The following KLHDC3 variants were observed in gnomAD, a reference collection of about 807,000 sequenced individuals.
KLHDC3 encodes kelch domain containing 3.
A neutral mutation model predicts 44.1 loss-of-function variants in KLHDC3; 5 were observed. The ratio of observed to expected loss-of-function variants is 0.11; its 90% CI spans 0.06 to 0.24. The LOEUF (loss-of-function observed/expected upper bound fraction) is 0.24, where lower values mean the gene tolerates loss of function less well. KLHDC3 is among the 10% of genes least tolerant of loss of function. The pLI is 1.00. For missense variants in KLHDC3, 247 were observed against 514.3 expected (o/e 0.48, Z 5.03); for synonymous variants, 170 against 189.0 (o/e 0.90, Z 0.82).
In KLHDC3 at chr6:43,018,863, T is replaced by C; in HGVS notation, c.821T>C (p.Val274Ala). ...HFHDLWKFNP[V>A]SFTWKKIEPK... Reference sequence around the variant, plus strand: ...AACTTCCATATAAATTTCTCTTCAGTGTCCTTTACCTGGAAAAAGATTGAA... The same window carrying C: ...AACTTCCATATAAATTTCTCTTCAGCGTCCTTTACCTGGAAAAAGATTGAA... The change falls in exon 8 of 11, where the codon GTG becomes GCG. Residue 274 changes from valine (V) to alanine (A), a missense_variant and splice_region_variant. Transcript: ENST00000326974. The surrounding 1 kb of genome is among the most constrained non-coding windows in gnomAD (Gnocchi z 6.0). 8 of 1,607,422 alleles carry C rather than the reference T, an allele frequency of 5.0e-6. No individual in the cohort carries two copies. The highest frequency in any genetic ancestry group is 1.1e-5 in the South Asian group (1 of 90,622).
chr6:43,018,883 A>G lies in KLHDC3; in HGVS notation c.841A>G (p.Ile281Val). The change falls in exon 8 of 11, where the codon ATT becomes GTT. Residue 281 changes from isoleucine to valine, a missense_variant. Physicochemically the swap from Ile to Val is conservative, Grantham distance 29. Coordinates refer to ENST00000326974, the MANE Select transcript of KLHDC3 (RefSeq NM_057161.4). The surrounding 1 kb of genome is among the most constrained non-coding windows in gnomAD (Gnocchi z 6.0). The stretch of plus-strand genomic sequence containing the variant: ...TTCAGTGTCCTTTACCTGGAAAAAG[A>G]TTGAACCGAAGGGGAAGGGGCCATG... Reference protein sequence around the residue: ...FNPVSFTWKKIEPKGKGPCPR... With the variant: ...FNPVSFTWKKVEPKGKGPCPR... 6.2e-7 allele frequency: 1 copy of G among 1,611,010 alleles called. No homozygotes were observed. The highest frequency in any genetic ancestry group is 8.5e-7 in the Non-Finnish European group (1 of 1,178,430).
At position 43,020,805 on chromosome 6, in the gene KLHDC3, C is replaced by A; in HGVS notation, c.*72C>A. ...CTGCCCCTGCCCATCTGTCACCCAC[C>A]TGCTCCTTTGACCCCTGGACTTGGT... On this transcript the variant is annotated 3_prime_UTR_variant, in exon 11 of 11. Transcript: ENST00000326974. 1 of 1,214,666 alleles carries A rather than the reference C, an allele frequency of 8.2e-7. No homozygotes were observed. Among genetic ancestry groups the A allele is most frequent in the Non-Finnish European group, 1.2e-6 (1 of 816,730 alleles). 75.2% of individuals were successfully genotyped at this position (1,214,666 alleles called of 1,614,324 possible).
rs1251150245 is a variant in KLHDC3 at position 43,014,272 on chromosome 6, C to T, written c.-136C>T. 1.2e-6 allele frequency: 1 copy of T among 834,120 alleles called. No homozygotes were observed. Among genetic ancestry groups the T allele is most frequent in the Non-Finnish European group, 1.8e-6 (1 of 553,468 alleles). 51.7% of individuals were successfully genotyped at this position (834,120 alleles called of 1,614,324 possible). A position where few individuals can be genotyped will look rare whatever the true frequency, so the allele number is the denominator to read the frequency against. The stretch of plus-strand genomic sequence containing the variant: ...GTGTTTATCTCGTTGGGGACTAAGG[C>T]GTCGGTTGGCGCGCAACGGGTTCTA... On this transcript the variant is annotated 5_prime_UTR_variant, in exon 1 of 11. Coordinates refer to ENST00000326974, the MANE Select transcript of KLHDC3 (RefSeq NM_057161.4).
At chr6:43,016,948 C>T (rs1038743797) in intron 1 of KLHDC3, 186 bp from the exon 2 acceptor site, 2 of 546,144 alleles carry the variant, frequency 3.7e-6, no homozygotes, top group Non-Finnish European at 6.5e-6. Context: ...CCAGGCTGCT[C>T]CCTGACCTCG....
At position 43,018,997 on chromosome 6, in the gene KLHDC3, C is replaced by CAGG; in HGVS notation, c.929+27_929+29dup. ...GTTAGAAGGAGAGAGGGAAGGGGCTCAGGGAAGTCACTAATGGGAGAGTGG... is the reference window on the plus strand; with the variant it reads ...GTTAGAAGGAGAGAGGGAAGGGGCTCAGGAGGGAAGTCACTAATGGGAGAGTGG... On this transcript the variant is annotated intron_variant, in intron 8 of 10. Transcript: ENST00000326974. This position sits in a 1 kb window ranked among gnomAD's most constrained non-coding sequence, Gnocchi z 6.0. 1 of 1,579,056 alleles carries CAGG rather than the reference C, an allele frequency of 6.3e-7. No homozygotes were observed. The highest frequency in any genetic ancestry group is 8.7e-7 in the Non-Finnish European group (1 of 1,150,810).
Position 43,017,844 on chromosome 6 carries a change from C to G in KLHDC3, c.332-9C>G, listed in dbSNP as rs563272059. On this transcript the variant is annotated splice_polypyrimidine_tract_variant and intron_variant, in intron 3 of 10. Coordinates refer to ENST00000326974, the MANE Select transcript of KLHDC3 (RefSeq NM_057161.4). This position sits in a 1 kb window ranked among gnomAD's most constrained non-coding sequence, Gnocchi z 6.0. ...GTGCTTAGTTGAGCCATTTTCTCAT[C>G]TCCTTCAGATACGCACAAGTGGTTC... The G allele has an allele frequency of 2.4e-5, 38 of 1,610,972 alleles. No homozygotes were observed. Among genetic ancestry groups the G allele is most frequent in the Non-Finnish European group, 2.9e-5 (34 of 1,177,742 alleles).
In KLHDC3 at chr6:43,018,473, G is replaced by A. The variant is rs142230157; in HGVS notation, c.650G>A (p.Arg217Gln). 1 of 1,614,056 alleles carries A rather than the reference G, an allele frequency of 6.2e-7. No individual in the cohort carries two copies. Among genetic ancestry groups the A allele is most frequent in the African/African-American group, 1.3e-5 (1 of 74,918 alleles). ...AATGAGATTTACTGCAACCGCATTC[G>A]AGTCTTTGACACCAGAACTGAGGCT... Reference protein sequence around the residue: ...SNNEIYCNRIRVFDTRTEAWL... With the variant: ...SNNEIYCNRIQVFDTRTEAWL... Residue 217 changes from arginine to glutamine, a missense_variant, in exon 6 of 11, where the codon CGA becomes CAA. By Grantham distance (43) the Arg-to-Gln change is conservative (BLOSUM62 1). This residue lies in a region of KLHDC3 where 176 missense variants were observed against 413.5 expected (regional missense o/e 0.43). Transcript: ENST00000326974. The surrounding 1 kb of genome is among the most constrained non-coding windows in gnomAD (Gnocchi z 6.0).
rs187273664 is a variant in KLHDC3, at chr6:43,017,401, G to A, written c.154+55G>A. The A allele has an allele frequency of 1.7e-4, 274 of 1,582,882 alleles. 1 individual carries two copies. The East Asian group carries it at 4.8e-3, about 28-fold the overall frequency. On this transcript the variant is annotated intron_variant, in intron 2 of 10. Transcript: ENST00000326974. The surrounding 1 kb of genome is among the most constrained non-coding windows in gnomAD (Gnocchi z 6.0). ...CCCCACATCAGGGTGGGAACGGGCT[G>A]CTGATGAGGTTTGGCTGTGGTCTCT...
Position 43,018,062 on chromosome 6 carries a change from T to C in KLHDC3, c.448-83T>C. 4 of 1,442,484 alleles carry C rather than the reference T, an allele frequency of 2.8e-6. No individual in the cohort carries two copies. In the South Asian group the frequency reaches 4.6e-5, roughly 16 times the overall value. The allele number at this position is 1,442,484 out of a possible 1,614,324, so 89.4% of individuals were successfully genotyped here. ...GTGAAATGGGAGGCTTTGGCTTGTT[T>C]GCAGGTTTTGAGGGGAGGGATGGAG... is the stretch of plus-strand genomic sequence containing the variant. On this transcript the variant is annotated intron_variant, in intron 4 of 10. Transcript: ENST00000326974. This position sits in a 1 kb window ranked among gnomAD's most constrained non-coding sequence, Gnocchi z 6.0.
intron 1 of KLHDC3, among the ~76,000 whole-genome samples, chr6:43,015,768 T>G (rs1762555017): frequency 6.7e-6 from 1 of 149,260 alleles, no homozygotes; most frequent in Non-Finnish European, 1.5e-5. Context: ...GAGAATCGCT[T>G]GAACCCGGGA....
Position 43,018,180 on chromosome 6 carries a change from T to G in KLHDC3, c.483T>G (p.Asp161Glu). 1 of 1,611,978 alleles carries G rather than the reference T, an allele frequency of 6.2e-7. No homozygotes were observed. Among genetic ancestry groups the G allele is most frequent in the Non-Finnish European group, 8.5e-7 (1 of 1,178,054 alleles). The change falls in exon 5 of 11, where the codon GAT becomes GAG. Residue 161 changes from aspartate to glutamate, a missense_variant. By Grantham distance (45) the Asp-to-Glu change is conservative (BLOSUM62 2). Transcript: ENST00000326974. This position sits in a 1 kb window ranked among gnomAD's most constrained non-coding sequence, Gnocchi z 6.0. ...TTTCCAATGACATTCACAAGCTAGA[T>G]ACCAGCACCATGACATGGACTCTTA... ...DCFSNDIHKL[D>E]TSTMTWTLIC...
chr6:43,015,474 A>G (rs1457417416), intron 1 of KLHDC3, among the ~76,000 whole-genome samples: 3 of 152,168 alleles, frequency 2.0e-5, no homozygotes, highest in Non-Finnish European at 4.4e-5. Flanking sequence ...CAGCAAAAGC[A>G]TTGTCAGTTG....
intron 9 of KLHDC3, 55 bp downstream of exon 9, chr6:43,019,220 G>A: frequency 2.6e-6 from 4 of 1,547,760 alleles, no homozygotes; most frequent in Non-Finnish European, 3.6e-6. Context: ...GTCTTTGGGT[G>A]GTGATATCCA....
rs749425570 is a variant in KLHDC3 at position 43,018,755 on chromosome 6, C to G, written c.820+36C>G. On this transcript the variant is annotated intron_variant, in intron 7 of 10. Transcript: ENST00000326974. This position sits in a 1 kb window ranked among gnomAD's most constrained non-coding sequence, Gnocchi z 6.0. Reference sequence around the variant, plus strand: ...CTGCATTTAGGGCAGGAACAAGGAGCAATTGAGGTGGGAGGAAAAGAAAAT... The same window carrying G: ...CTGCATTTAGGGCAGGAACAAGGAGGAATTGAGGTGGGAGGAAAAGAAAAT... 1.9e-6 allele frequency: 3 copies of G among 1,587,474 alleles called. No individual in the cohort carries two copies. The Admixed American group carries it at 5.0e-5, about 26-fold the overall frequency.
At chr6:43,020,242 A>G (rs1327122663) in intron 10 of KLHDC3, among the ~76,000 whole-genome samples, 2 of 152,066 alleles carry the variant, frequency 1.3e-5, no homozygotes, top group African/African-American at 2.4e-5. Flanking sequence ...GTGCTGAGTC[A>G]GAGCCTTAAA....
At chr6:43,015,852 T>TAAAAAA (rs561042959) in intron 1 of KLHDC3, among the ~76,000 whole-genome samples, 1 of 100,542 alleles carries the variant, frequency 9.9e-6, no homozygotes, top group African/African-American at 3.8e-5. Flanking sequence ...AGACTTCATC[T>TAAAAAA]AAAAAAAAAA....
intron 1 of KLHDC3, chr6:43,016,910 C>A: frequency 2.2e-6 from 1 of 460,668 alleles, no homozygotes; most frequent in Non-Finnish European, 3.9e-6. Flanking sequence ...GGGGTGGCCC[C>A]ACCCTTCACT....
chr6:43,016,555 C>A (rs921016874), intron 1 of KLHDC3: 4 of 152,366 alleles, frequency 2.6e-5, no homozygotes, highest in African/African-American at 9.6e-5. Flanking sequence ...TAACCAACCG[C>A]GGTAACATGG....
Position 43,020,867 on chromosome 6 carries a change from T to C in KLHDC3, c.*134T>C, listed in dbSNP as rs927360373. 2 of 747,812 alleles carry C rather than the reference T, an allele frequency of 2.7e-6. No individual in the cohort carries two copies. Among genetic ancestry groups the C allele is most frequent in the Admixed American group, 2.0e-5 (1 of 49,126 alleles). 46.3% of individuals were successfully genotyped at this position (747,812 alleles called of 1,614,324 possible). A position where few individuals can be genotyped will look rare whatever the true frequency, so the allele number is the denominator to read the frequency against. ...TGGAGTTGTTGGGCGAGAGGTGTTC[T>C]CTGTGCTGTGAATTCAGTGGGGAGC... On this transcript the variant is annotated 3_prime_UTR_variant, in exon 11 of 11. Coordinates refer to ENST00000326974, the MANE Select transcript of KLHDC3 (RefSeq NM_057161.4).
Sources: allele counts gnomAD v4.1 joint callset (sites outside exome capture counted in the v4.1 genomes callset), GRCh38; gene constraint gnomAD v4.1.1; regional missense constraint gnomAD v4.1.1; non-coding constraint Gnocchi (gnomAD v3.1); transcripts MANE v1.5; gene names NCBI Gene and HGNC (gene_info 2026-07-23, HGNC 2026-07-21).